Variants in HDAC7 observed in about 807,000 individuals in gnomAD.
HDAC7 encodes the protein histone deacetylase 7A.
A neutral mutation model predicts 115.5 loss-of-function variants in HDAC7; 26 were observed. The ratio of observed to expected loss-of-function variants is 0.23; its 90% CI spans 0.16 to 0.31. The LOEUF (loss-of-function observed/expected upper bound fraction) is 0.31. Ranked by LOEUF, HDAC7 falls within the 10% of genes least tolerant of loss-of-function variation. The pLI, the probability that HDAC7 is intolerant of heterozygous loss-of-function variation, is 1.00. For missense variants in HDAC7, 1,068 were observed against 1,329.0 expected, an observed-to-expected ratio of 0.80 and a Z score of 3.05; for synonymous variants, 564 against 550.9, an observed-to-expected ratio of 1.02 and a Z score of -0.33.
At chr12:47,814,825 C>A (rs983448217) in intron 1 of HDAC7, among the ~76,000 whole-genome samples, 1 of 152,240 alleles carries the variant, frequency 6.6e-6, no homozygotes, top group African/African-American at 2.4e-5. Context: ...ATCAATGTCA[C>A]CTTCTTAGGC....
At chr12:47,809,297 C>T (rs1335674753) in intron 1 of HDAC7, among the ~76,000 whole-genome samples, 2 of 152,180 alleles carry the variant, frequency 1.3e-5, no homozygotes, top group Non-Finnish European at 2.9e-5. Context: ...CCTACTCCTG[C>T]TTTGCCCACT....
intron 22 of HDAC7, 92 bp downstream of exon 22, chr12:47,786,493 C>T: frequency 1.1e-6 from 1 of 891,832 alleles, no homozygotes; most frequent in Admixed American, 1.9e-5. Flanking sequence ...TGGCCACTGC[C>T]ACCTTCCCTT....
chr12:47,807,649 AT>A (rs1944460712), intron 1 of HDAC7, among the ~76,000 whole-genome samples: 2 of 152,114 alleles, frequency 1.3e-5, no homozygotes, highest in South Asian at 4.1e-4. Context: ...GAAAAAAAAA[AT>A]CACACAGCCC....
At position 47,795,977 on chromosome 12, in the gene HDAC7, C is replaced by A; in HGVS notation, c.835G>T (p.Val279Leu). ...ACTGTCGGCAAGGCGAACGGGGCCA[C>A]AGAAGTCTCCTGCAGCCGCAGCCGC... is the stretch of plus-strand genomic sequence containing the variant. The part of the protein sequence containing the change: ...GQRLRLQETS[V>L]APFALPTVSL... The change falls in exon 9 of 26, where the codon GTG becomes TTG. Residue 279 changes from valine to leucine, a missense_variant. This residue lies in a region of HDAC7 where 618 missense variants were observed against 701.5 expected (regional missense o/e 0.88). Coordinates refer to ENST00000080059, the MANE Select transcript of HDAC7 (RefSeq NM_015401.5). This position sits in a 1 kb window ranked among gnomAD's most constrained non-coding sequence, Gnocchi z 4.3. 2 of 1,549,924 alleles carry A rather than the reference C, an allele frequency of 1.3e-6. No homozygotes were observed. The highest frequency in any genetic ancestry group is 2.0e-5 in the Admixed American group (1 of 51,034).
At position 47,797,893 on chromosome 12, in the gene HDAC7, TGTGA is replaced by T. The variant is rs1423785889; in HGVS notation, c.461+211_461+214del. Reference sequence around the variant, plus strand: ...GTGTGTGTGTGTGTGTGTGTGTGTGTGTGAGAAGGGCTCAGGTGGGGTGGGGAGA... The same window carrying T: ...GTGTGTGTGTGTGTGTGTGTGTGTGTGAAGGGCTCAGGTGGGGTGGGGAGA... On this transcript the variant is annotated intron_variant, in intron 5 of 25. Transcript: ENST00000080059. This position sits in a 1 kb window ranked among gnomAD's most constrained non-coding sequence, Gnocchi z 5.5. Among the ~76,000 whole-genome samples, 7 of 144,524 alleles carry T rather than the reference TGTGA, an allele frequency of 4.8e-5. No individual in the cohort carries two copies. The highest frequency in any genetic ancestry group is 1.9e-4 in the African/African-American group (7 of 35,954). The allele number at this position is 144,524 out of a possible 152,430, so 94.8% of individuals were successfully genotyped here.
intron 24 of HDAC7, chr12:47,784,549 C>T: frequency 3.1e-6 from 2 of 638,822 alleles, no homozygotes; most frequent in South Asian, 4.0e-5. Flanking sequence ...AGCCTGCTTG[C>T]CTGCAGACAG....
chr12:47,817,280 A>G (rs1322264978), intron 1 of HDAC7, among the ~76,000 whole-genome samples: 1 of 152,168 alleles, frequency 6.6e-6, no homozygotes, highest in Non-Finnish European at 1.5e-5. Context: ...AGTCTTAAGC[A>G]GAAACTCTGC....
intron 24 of HDAC7, chr12:47,784,760 AGGAACCATGT>A: frequency 6.5e-7 from 1 of 1,535,566 alleles, no homozygotes; most frequent in Non-Finnish European, 8.7e-7. Flanking sequence ...TGCTGCTGTG[AGGAACCATGT>A]CCTGGAATCT....
At chr12:47,796,421 G>GCTTT (rs1031285752) in intron 7 of HDAC7, 123 bp from the exon 8 acceptor site, 17 of 574,090 alleles carry the variant, frequency 3.0e-5, no homozygotes, top group Non-Finnish European at 4.1e-5. Context: ...TTTGCTTCCT[G>GCTTT]CTTTCTTTTT....
At chr12:47,818,210 C>A (rs1436877569) in intron 1 of HDAC7, among the ~76,000 whole-genome samples, 2 of 152,138 alleles carry the variant, frequency 1.3e-5, no homozygotes, top group Non-Finnish European at 2.9e-5. Context: ...ACAGAGGCCT[C>A]TGGAGAACAC....
upstream of HDAC7, among the ~76,000 whole-genome samples, chr12:47,820,872 C>A (rs1437015804): frequency 6.6e-6 from 1 of 152,202 alleles, no homozygotes; most frequent in East Asian, 1.9e-4. This position sits in a 1 kb window ranked among gnomAD's most constrained non-coding sequence, Gnocchi z 4.3. Context: ...AAACTCAGCT[C>A]AGGGCCGGCT....
intron 1 of HDAC7, among the ~76,000 whole-genome samples, chr12:47,804,275 TC>T (rs940247211): frequency 5.3e-5 from 8 of 152,104 alleles, no homozygotes; most frequent in African/African-American, 1.7e-4. Flanking sequence ...GTTCTGCTTT[TC>T]CCCCGCTCCC....
At chr12:47,815,265 C>T (rs2137072928) in intron 1 of HDAC7, among the ~76,000 whole-genome samples, 1 of 152,296 alleles carries the variant, frequency 6.6e-6, no homozygotes, top group South Asian at 2.1e-4. Context: ...GAAAGATCAG[C>T]CCCAATTAGC....
intron 17 of HDAC7, 59 bp downstream of exon 17, chr12:47,789,754 C>A: frequency 7.0e-7 from 1 of 1,436,410 alleles, no homozygotes; most frequent in South Asian, 1.1e-5. Context: ...CTGGATTCCC[C>A]ACTACCCCAC....
At chr12:47,790,236 G>C (rs538855999) in intron 16 of HDAC7, 1 of 351,784 alleles carries the variant, frequency 2.8e-6, no homozygotes, top group East Asian at 5.9e-5. Context: ...GGGCCGGGAG[G>C]GGGTTTTAAG....
intron 24 of HDAC7, chr12:47,784,959 A>G (rs2136897711): frequency 9.8e-6 from 6 of 612,406 alleles, no homozygotes; most frequent in East Asian, 2.9e-5. Context: ...TTGAAGTTGA[A>G]AATTTAAAGT....
At chr12:47,814,585 T>C (rs11168249) in intron 1 of HDAC7, among the ~76,000 whole-genome samples, 74,930 of 152,144 alleles carry the variant, frequency 0.49, 19,638 homozygotes, top group African/African-American at 0.64. Flanking sequence ...AGGGAGTGGC[T>C]TTGATCTTGG....
chr12:47,810,802 AGGTCTCTCTCTCTCTCTCTC>A (rs1944618718), intron 1 of HDAC7, among the ~76,000 whole-genome samples: 1 of 121,002 alleles, frequency 8.3e-6, no homozygotes, highest in African/African-American at 3.1e-5. Flanking sequence ...TGGGAGGAAA[AGGTCTCTCTCTCTCTCTCTC>A]TCTCTCTCTC....
chr12:47,793,854 G>A lies in HDAC7; in HGVS notation c.1459-266C>T, dbSNP rs1175651464. ...GGCTCCAAAGCCAGGAACCAGGGGA[G>A]GGGCGCTGGATCTTGTGCTGACCAG... On this transcript the variant is annotated intron_variant, in intron 12 of 25. Coordinates refer to ENST00000080059, the MANE Select transcript of HDAC7 (RefSeq NM_015401.5). The surrounding 1 kb of genome is among the most constrained non-coding windows in gnomAD (Gnocchi z 4.5). 6.6e-6 allele frequency among the ~76,000 whole-genome samples: 1 copy of A among 152,194 alleles called. No individual in the cohort carries two copies. Among genetic ancestry groups the A allele is most frequent in the Non-Finnish European group, 1.5e-5 (1 of 68,034 alleles).
Sources: allele counts gnomAD v4.1 joint callset (sites outside exome capture counted in the v4.1 genomes callset), GRCh38; gene constraint gnomAD v4.1.1; regional missense constraint gnomAD v4.1.1; non-coding constraint Gnocchi (gnomAD v3.1); transcripts MANE v1.5; gene names NCBI Gene and HGNC (gene_info 2026-07-23, HGNC 2026-07-21).